The following POLK variants were observed in gnomAD, a reference collection of about 807,000 sequenced individuals.
The protein encoded by POLK is polymerase (DNA directed) kappa.
POLK carries 76 observed loss-of-function variants against 94.0 expected under a neutral mutation model. The ratio of observed to expected loss-of-function variants is 0.81; its 90% CI spans 0.67 to 0.98. POLK has a LOEUF of 0.98. Ranked by LOEUF, POLK falls within the 50% of genes least tolerant of loss-of-function variation. The probability of loss-of-function intolerance (pLI) is 0.00; values close to 1 mark genes in which losing one functional copy is unlikely to be tolerated. For missense variants in POLK, 954 were observed against 1,010.1 expected (o/e 0.94, Z 0.75); for synonymous variants, 349 against 325.4 (o/e 1.07, Z -0.78).
chr5:75,523,709 T>G (rs775034812), intron 1 of POLK, among the ~76,000 whole-genome samples: 1 of 152,140 alleles, frequency 6.6e-6, no homozygotes. Context: ...AAGCCTTGGG[T>G]TTTTTTGTTG....
At chr5:75,570,073 G>T (rs1310155448) in intron 4 of POLK, among the ~76,000 whole-genome samples, 1 of 152,132 alleles carries the variant, frequency 6.6e-6, no homozygotes, top group Non-Finnish European at 1.5e-5. Flanking sequence ...CACAATAAAT[G>T]TGACGTGCTT....
chr5:75,602,718 A>G (rs943806296), downstream of POLK, among the ~76,000 whole-genome samples: 3 of 152,224 alleles, frequency 2.0e-5, no homozygotes. Context: ...CATAGGCCTA[A>G]TAATTTCTTT....
At chr5:75,547,267 T>C (rs1770075206) in intron 2 of POLK, 110 bp downstream of exon 2, 1 of 368,264 alleles carries the variant, frequency 2.7e-6, no homozygotes, top group South Asian at 1.3e-4. Flanking sequence ...TATTTTAATA[T>C]ATATTATTTT....
chr5:75,547,455 CAGTTA>C (rs1247377709), intron 2 of POLK, among the ~76,000 whole-genome samples: 2 of 147,824 alleles, frequency 1.4e-5, no homozygotes, highest in Non-Finnish European at 3.0e-5. Flanking sequence ...TTTTTTTTTT[CAGTTA>C]ATATAACTTG....
At chr5:75,555,604 G>C (rs1770581055) in intron 3 of POLK, among the ~76,000 whole-genome samples, 1 of 150,612 alleles carries the variant, frequency 6.6e-6, no homozygotes, top group Admixed American at 6.6e-5. Flanking sequence ...AGGCTGGAGT[G>C]CAGTGGTGCA....
At chr5:75,527,933 A>G (rs1768952984) in intron 1 of POLK, among the ~76,000 whole-genome samples, 1 of 152,180 alleles carries the variant, frequency 6.6e-6, no homozygotes, top group Admixed American at 6.5e-5. Flanking sequence ...TATATGAAAT[A>G]TCGTTCAACC....
the POLK span, among the ~76,000 whole-genome samples, chr5:75,608,302 TC>T: frequency 6.6e-6 from 1 of 151,894 alleles, no homozygotes; most frequent in African/African-American, 2.4e-5. Flanking sequence ...CAGGCCATAC[TC>T]CCATCTCAGC....
rs1176637670 is a variant in POLK at position 75,582,066 on chromosome 5, G to T, written c.934+618G>T. ...ATAACTTGAGTATTAGTTTTTCCTT[G>T]GGAGACTTCAATCCTGTCCAAGATT... is the stretch of plus-strand genomic sequence containing the variant. On this transcript the variant is annotated intron_variant, in intron 7 of 14. Coordinates refer to ENST00000241436, the Ensembl canonical transcript of POLK. The T allele has an allele frequency of 8.1e-6, 8 of 981,760 alleles. No individual in the cohort carries two copies. The East Asian group carries it at 8.0e-4, about 98-fold the overall frequency. The allele number at this position is 981,760 out of a possible 1,614,324, so 60.8% of individuals were successfully genotyped here. A position where few individuals can be genotyped will look rare whatever the true frequency, so the allele number is the denominator to read the frequency against.
chr5:75,513,332 A>G (rs959225939), intron 1 of POLK, among the ~76,000 whole-genome samples: 1 of 152,172 alleles, frequency 6.6e-6, no homozygotes, highest in Non-Finnish European at 1.5e-5. Context: ...GTGACTTTGC[A>G]TATCTGTCTA....
chr5:75,565,140 C>G (rs1232076583), intron 3 of POLK, among the ~76,000 whole-genome samples: 1 of 152,052 alleles, frequency 6.6e-6, no homozygotes, highest in African/African-American at 2.4e-5. Flanking sequence ...GATCTTCAGT[C>G]TCTGATATCC....
chr5:75,591,158 T>C (rs1581098158), intron 11 of POLK, among the ~76,000 whole-genome samples: 1 of 152,166 alleles, frequency 6.6e-6, no homozygotes, highest in East Asian at 1.9e-4. Flanking sequence ...TAGAAGAGAA[T>C]AATTTGAATG....
intron 1 of POLK, among the ~76,000 whole-genome samples, chr5:75,514,252 A>G (rs1431548356): frequency 1.3e-5 from 2 of 152,202 alleles, no homozygotes; most frequent in Non-Finnish European, 2.9e-5. Context: ...TCTGACAATA[A>G]TTATGTGTAG....
intron 1 of POLK, among the ~76,000 whole-genome samples, chr5:75,537,760 T>C (rs1269779992): frequency 6.6e-6 from 1 of 152,242 alleles, no homozygotes; most frequent in African/African-American, 2.4e-5. Context: ...TTTAGTAGTG[T>C]TAGGAAATGT....
chr5:75,511,593 C>G, upstream of POLK: 2 of 1,466,068 alleles, frequency 1.4e-6, no homozygotes, highest in Non-Finnish European at 1.8e-6. Context: ...CTCACACCTC[C>G]GCTACCGCCG....
intron 5 of POLK, among the ~76,000 whole-genome samples, chr5:75,576,074 C>G (rs1771857177): frequency 6.6e-6 from 1 of 152,062 alleles, no homozygotes; most frequent in Admixed American, 6.6e-5. Context: ...AAAGGCATTT[C>G]TGAATTAAAA....
intron 13 of POLK, 43 bp downstream of exon 13, chr5:75,597,221 A>G: frequency 1.1e-6 from 1 of 950,640 alleles, no homozygotes; most frequent in South Asian, 1.6e-5. Context: ...TTCTAGGAAT[A>G]TGTATTATTA....
chr5:75,576,809 C>G (rs1410559289), exon 6 of POLK: 13 of 1,518,404 alleles, frequency 8.6e-6, no homozygotes, highest in Non-Finnish European at 1.1e-5. Flanking sequence ...ATTATGATCC[C>G]AATTTTATGG....
chr5:75,576,176 A>G (rs1441770920), intron 5 of POLK, among the ~76,000 whole-genome samples: 2 of 152,168 alleles, frequency 1.3e-5, no homozygotes, highest in African/African-American at 4.8e-5. Flanking sequence ...CATGGAGTAC[A>G]CTATAGATTG....
At chr5:75,596,142 C>T (rs2112893169) in intron 12 of POLK, 80 bp from the exon 13 acceptor site, 2 of 766,208 alleles carry the variant, frequency 2.6e-6, no homozygotes, top group East Asian at 2.5e-5. Flanking sequence ...TATGTCATAG[C>T]ACTAGACAAA....
Sources: allele counts gnomAD v4.1 joint callset (sites outside exome capture counted in the v4.1 genomes callset), GRCh38; gene constraint gnomAD v4.1.1; transcripts MANE v1.5; gene names NCBI Gene and HGNC (gene_info 2026-07-23, HGNC 2026-07-21).